The following SLC36A1 variants were observed in gnomAD, a reference collection of about 807,000 sequenced individuals.
SLC36A1 encodes the protein proton-coupled amino acid transporter 1.
SLC36A1 carries 30 observed loss-of-function variants against 47.5 expected under a neutral mutation model. The ratio of observed to expected loss-of-function variants is 0.63; its 90% CI spans 0.47 to 0.86. SLC36A1 has a LOEUF of 0.86. SLC36A1 is among the 40% of genes least tolerant of loss of function. The pLI is 0.00. For missense variants in SLC36A1, 517 were observed against 606.0 expected (o/e 0.85, Z 1.54); for synonymous variants, 255 against 249.7 (o/e 1.02, Z -0.20).
At chr5:151,499,727 TAAC>T in the SLC36A1 span, among the ~76,000 whole-genome samples, 2,221 of 152,244 alleles carry the variant, frequency 0.015, 50 homozygotes, top group African/African-American at 0.051. Context: ...ACCACCCCTG[TAAC>T]AACAACTGTG....
chr5:151,548,424 C>A, the SLC36A1 span, among the ~76,000 whole-genome samples: 1 of 152,110 alleles, frequency 6.6e-6, no homozygotes, highest in Non-Finnish European at 1.5e-5. Flanking sequence ...TAACACTTAT[C>A]AATGATAGTA....
At chr5:151,544,887 T>G in the SLC36A1 span, 1 of 1,614,164 alleles carries the variant, frequency 6.2e-7, no homozygotes, top group Non-Finnish European at 8.5e-7. Flanking sequence ...CTGTGCCATC[T>G]TGGATGATTG....
In SLC36A1 at chr5:151,489,694, TGCCTTGCTGTGGGCTGCC is replaced by T. The variant is rs1759950457; in HGVS notation, c.*1441_*1458del. ...TCAGAGAAGGCAGAGGAAGATACAT[TGCCTTGCTGTGGGCTGCC>T]TCTTCTTTCCTCTTGGTGTGCGAAG... On this transcript the variant is annotated 3_prime_UTR_variant, in exon 11 of 11. Coordinates refer to ENST00000243389, the MANE Select transcript of SLC36A1 (RefSeq NM_078483.4). The surrounding 1 kb of genome is among the most constrained non-coding windows in gnomAD (Gnocchi z 4.5). The T allele has an allele frequency of 6.6e-6, 1 of 152,274 alleles. No individual in the cohort carries two copies. The highest frequency in any genetic ancestry group is 1.5e-5 in the Non-Finnish European group (1 of 68,022). 9.4% of individuals were successfully genotyped at this position (152,274 alleles called of 1,614,324 possible).
chr5:151,450,732 C>G (rs1753529674), intron 1 of SLC36A1, among the ~76,000 whole-genome samples: 1 of 152,238 alleles, frequency 6.6e-6, no homozygotes, highest in African/African-American at 2.4e-5. Context: ...CAGTGAGTAT[C>G]TCAGTTCTTT....
At chr5:151,345,912 A>G in the SLC36A1 span, among the ~76,000 whole-genome samples, 1 of 152,310 alleles carries the variant, frequency 6.6e-6, no homozygotes, top group Admixed American at 6.5e-5. Context: ...CAAATCTCCC[A>G]GGAGGAGAGA....
chr5:151,479,734 C>T, intron 10 of SLC36A1: 1 of 539,262 alleles, frequency 1.9e-6, no homozygotes, highest in Non-Finnish European at 3.2e-6. Context: ...GTATGAAATG[C>T]TGTGGAGGTG....
chr5:151,451,395 C>A (rs1321922256), intron 1 of SLC36A1, among the ~76,000 whole-genome samples: 1 of 152,102 alleles, frequency 6.6e-6, no homozygotes, highest in Non-Finnish European at 1.5e-5. Context: ...GGAAAAGCCA[C>A]TCTGTGCTTT....
the SLC36A1 span, among the ~76,000 whole-genome samples, chr5:151,503,460 T>C: frequency 6.7e-6 from 1 of 149,432 alleles, no homozygotes; most frequent in Admixed American, 6.6e-5. Flanking sequence ...GAGCTGGGCT[T>C]GGAATCAAAC....
the SLC36A1 span, among the ~76,000 whole-genome samples, chr5:151,519,389 T>G: frequency 1.3e-5 from 2 of 152,148 alleles, no homozygotes; most frequent in African/African-American, 4.8e-5. Context: ...TCCCTGACAC[T>G]GGCAATTCCA....
chr5:151,473,225 G>A (rs1581172656), intron 7 of SLC36A1, among the ~76,000 whole-genome samples: 1 of 148,836 alleles, frequency 6.7e-6, no homozygotes. Context: ...TAGATAGATA[G>A]AATATATATT....
At chr5:151,445,441 T>A (rs1752861863), upstream of SLC36A1, among the ~76,000 whole-genome samples, 1 of 152,252 alleles carries the variant, frequency 6.6e-6, no homozygotes, top group Non-Finnish European at 1.5e-5. Flanking sequence ...TGTAATTTTC[T>A]TTTCTTGTGG....
chr5:151,500,785 G>A, the SLC36A1 span, among the ~76,000 whole-genome samples: 2 of 152,194 alleles, frequency 1.3e-5, no homozygotes, highest in Non-Finnish European at 2.9e-5. Flanking sequence ...TGGTAGTGAC[G>A]GTCACGATGG....
At chr5:151,509,865 A>C in the SLC36A1 span, 1 of 796,978 alleles carries the variant, frequency 1.3e-6, no homozygotes, top group Non-Finnish European at 2.0e-6. Flanking sequence ...TGGTGCCAAA[A>C]AGGTTGGGGA....
chr5:151,443,500 C>T (rs965275872), upstream of SLC36A1, among the ~76,000 whole-genome samples: 1 of 152,064 alleles, frequency 6.6e-6, no homozygotes, highest in African/African-American at 2.4e-5. Flanking sequence ...GTCCTTTGCC[C>T]ATTTTTAAAT....
At chr5:151,505,437 C>CA in the SLC36A1 span, 17 of 1,150,012 alleles carry the variant, frequency 1.5e-5, no homozygotes, top group Non-Finnish European at 2.0e-5. Flanking sequence ...TTTCAAGGGA[C>CA]AACAGCCTGG....
At chr5:151,381,926 G>A in the SLC36A1 span, 1 of 364,590 alleles carries the variant, frequency 2.7e-6, no homozygotes, top group Non-Finnish European at 4.9e-6. Context: ...CAATTCCCTT[G>A]TCTTGATGAA....
At chr5:151,347,482 C>A in the SLC36A1 span, 8 of 1,612,910 alleles carry the variant, frequency 5.0e-6, no homozygotes, top group Non-Finnish European at 6.8e-6. Flanking sequence ...AAACAAGGAG[C>A]TCGGGGTGAC....
chr5:151,549,322 C>T, the SLC36A1 span: 1 of 1,613,312 alleles, frequency 6.2e-7, no homozygotes, highest in East Asian at 2.2e-5. Context: ...TGGACCTCAG[C>T]ATTGACTCCC....
chr5:151,467,884 A>G lies in SLC36A1; in HGVS notation c.682A>G (p.Met228Val), dbSNP rs769605007. The change falls in exon 7 of 11, where the codon ATG becomes GTG. Residue 228 changes from methionine (M) to valine (V), a missense_variant. Coordinates refer to ENST00000243389, the MANE Select transcript of SLC36A1 (RefSeq NM_078483.4). ...CTTCTCCCTGTTGGCCAACATCACC[A>G]TGCTGGTCAGCTTGGTCATGATCTA... Reference protein sequence around the residue: ...SIFSLLANITMLVSLVMIYQF... With the variant: ...SIFSLLANITVLVSLVMIYQF... The G allele has an allele frequency of 8.4e-5, 136 of 1,613,606 alleles. No individual in the cohort carries two copies. The highest frequency in any genetic ancestry group is 1.1e-4 in the Non-Finnish European group (129 of 1,179,936).
Sources: allele counts gnomAD v4.1 joint callset (sites outside exome capture counted in the v4.1 genomes callset), GRCh38; gene constraint gnomAD v4.1.1; non-coding constraint Gnocchi (gnomAD v3.1); transcripts MANE v1.5; gene names NCBI Gene and HGNC (gene_info 2026-07-23, HGNC 2026-07-21).